RALGPS2: variants seen among roughly 807,000 people sequenced by gnomAD.
RALGPS2 encodes Ral GEF with PH domain and SH3 binding motif 2.
In RALGPS2, 43 loss-of-function variants were observed where a neutral mutation model predicts 86.8. The ratio of observed to expected loss-of-function variants is 0.50; its 90% CI spans 0.39 to 0.64. The LOEUF (loss-of-function observed/expected upper bound fraction) is 0.64. RALGPS2 is among the 30% of genes least tolerant of loss of function. RALGPS2 has a pLI of 0.00. For missense variants in RALGPS2, 536 were observed against 694.6 expected (o/e 0.77, Z 2.57); for synonymous variants, 243 against 231.3 (o/e 1.05, Z -0.46).
chr1:178,740,745 C>T lies in RALGPS2; in HGVS notation c.-84+15326C>T, dbSNP rs139878870. On this transcript the variant is annotated intron_variant, in intron 1 of 19. Transcript: ENST00000367635. ...TGTAGATACTGTTCTTCCTTTAGTACTTCTGTGGCTCCTGCCCTTCTTGAG... is the reference window on the plus strand; with the variant it reads ...TGTAGATACTGTTCTTCCTTTAGTATTTCTGTGGCTCCTGCCCTTCTTGAG... 6.8e-4 allele frequency among the ~76,000 whole-genome samples: 104 copies of T among 152,300 alleles called. 2 individuals carry two copies. In the East Asian group the frequency reaches 0.019, roughly 28 times the overall value.
Position 178,919,499 on chromosome 1 carries a change from G to T in RALGPS2, c.*3140G>T, listed in dbSNP as rs1660915488. On this transcript the variant is annotated 3_prime_UTR_variant, in exon 20 of 20. Transcript: ENST00000367635. ...CCTAGGAAGCACTATTGGTACAGGA[G>T]GAAAAAAGAATGGAAAACATGTTTA... 6.6e-6 allele frequency: 1 copy of T among 151,870 alleles called. No individual in the cohort carries two copies. The highest frequency in any genetic ancestry group is 2.4e-5 in the African/African-American group (1 of 41,392). The allele number at this position is 151,870 out of a possible 1,614,324, so 9.4% of individuals were successfully genotyped here. A position where few individuals can be genotyped will look rare whatever the true frequency, so the allele number is the denominator to read the frequency against.
intron 8 of RALGPS2, among the ~76,000 whole-genome samples, chr1:178,855,000 CT>C (rs1204552053): frequency 4.6e-5 from 7 of 151,946 alleles, no homozygotes; most frequent in Non-Finnish European, 7.4e-5. Context: ...CCCTAAAGAT[CT>C]CTTAGAACAA....
In RALGPS2 at chr1:178,877,593, A is replaced by G. The variant is rs746154442; in HGVS notation, c.703A>G (p.Ile235Val). The change falls in exon 9 of 20, where the codon ATC (isoleucine) becomes GTC (valine). Residue 235 changes from isoleucine to valine, a missense_variant. This residue lies in a region of RALGPS2 where 184 missense variants were observed against 296.7 expected (regional missense o/e 0.62). Transcript: ENST00000367635. ...GCAAAGATCAAATTTAATGAATAAT[A>G]TCCTTCGAATAATTTCTGATTTACA... ...NEQRSNLMNN[I>V]LRIISDLQQS... 2 of 1,613,486 alleles carry G rather than the reference A, an allele frequency of 1.2e-6. No individual in the cohort carries two copies. The highest frequency in any genetic ancestry group is 2.2e-5 in the East Asian group (1 of 44,806).
At chr1:178,898,965 T>C (rs1660054548) in intron 17 of RALGPS2, among the ~76,000 whole-genome samples, 1 of 151,946 alleles carries the variant, frequency 6.6e-6, no homozygotes, top group Non-Finnish European at 1.5e-5. Context: ...ATTCATTCAG[T>C]TCAATTAAAT....
At chr1:178,862,768 G>T (rs894797329) in intron 8 of RALGPS2, among the ~76,000 whole-genome samples, 3 of 152,184 alleles carry the variant, frequency 2.0e-5, no homozygotes, top group African/African-American at 7.2e-5. Context: ...TGGAAGGTCC[G>T]CTAGGAAAGT....
intron 8 of RALGPS2, chr1:178,865,425 G>A (rs749655578): frequency 3.1e-6 from 5 of 1,613,956 alleles, no homozygotes; most frequent in Non-Finnish European, 3.4e-6. Context: ...TTTCTCAGCA[G>A]CTTTACCTCA....
intron 4 of RALGPS2, among the ~76,000 whole-genome samples, chr1:178,788,437 A>G (rs1653775362): frequency 6.6e-6 from 1 of 152,226 alleles, no homozygotes; most frequent in Non-Finnish European, 1.5e-5. Flanking sequence ...AACATAAAGC[A>G]GAGAGAAGAG....
At chr1:178,783,113 A>G (rs927281407) in intron 2 of RALGPS2, among the ~76,000 whole-genome samples, 2 of 152,230 alleles carry the variant, frequency 1.3e-5, no homozygotes. Context: ...AAAAGCGTAC[A>G]GCATGCGAGA....
chr1:178,776,892 T>A, intron 2 of RALGPS2, 71 bp downstream of exon 2: 1 of 1,242,116 alleles, frequency 8.1e-7, no homozygotes, highest in Non-Finnish European at 1.2e-6. Flanking sequence ...ATTATGTTTG[T>A]TCACATACTT....
intron 19 of RALGPS2, among the ~76,000 whole-genome samples, chr1:178,913,866 G>C (rs189539858): frequency 6.6e-5 from 10 of 152,276 alleles, no homozygotes; most frequent in South Asian, 4.1e-4. Context: ...GTGGACCAAG[G>C]TGCTCCCAGG....
intron 19 of RALGPS2, among the ~76,000 whole-genome samples, chr1:178,916,041 T>TAAACTGAGCCCCCTGTGTTAGACAAG (rs1660798685): frequency 6.6e-6 from 1 of 152,208 alleles, no homozygotes; most frequent in Non-Finnish European, 1.5e-5. Flanking sequence ...ATTCATTCAG[T>TAAACTGAGCCCCCTGTGTTAGACAAG]AAACGTCTAC....
At chr1:178,817,974 A>T (rs1236173807) in intron 6 of RALGPS2, among the ~76,000 whole-genome samples, 1 of 152,200 alleles carries the variant, frequency 6.6e-6, no homozygotes, top group Non-Finnish European at 1.5e-5. Flanking sequence ...ACCTTTAAAC[A>T]TTATATTTAA....
At position 178,884,275 on chromosome 1, in the gene RALGPS2, A is replaced by G. The variant is rs561154687; in HGVS notation, c.904+742A>G. ...ACTAGACCAAGTATTAAAAATGTAAAAATCATAGTTCCTTACTTTACCTGT... is the reference window on the plus strand; with the variant it reads ...ACTAGACCAAGTATTAAAAATGTAAGAATCATAGTTCCTTACTTTACCTGT... On this transcript the variant is annotated intron_variant, in intron 11 of 19. Transcript: ENST00000367635. Among the ~76,000 whole-genome samples the G allele has an allele frequency of 3.3e-4, 51 of 152,298 alleles. No individual in the cohort carries two copies. The Middle Eastern group carries it at 0.01, about 30-fold the overall frequency.
intron 9 of RALGPS2, among the ~76,000 whole-genome samples, chr1:178,878,348 A>C (rs181665660): frequency 6.6e-6 from 1 of 152,282 alleles, no homozygotes; most frequent in African/African-American, 2.4e-5. Flanking sequence ...AATTTATCTT[A>C]AAGCTAACTT....
intron 6 of RALGPS2, among the ~76,000 whole-genome samples, chr1:178,815,963 C>T (rs1164073528): frequency 2.6e-5 from 4 of 152,096 alleles, no homozygotes; most frequent in Non-Finnish European, 5.9e-5. Flanking sequence ...ATGGATATTC[C>T]ACAATTTCTT....
chr1:178,845,990 A>G (rs150786727), intron 8 of RALGPS2, among the ~76,000 whole-genome samples: 1 of 152,276 alleles, frequency 6.6e-6, no homozygotes, highest in East Asian at 1.9e-4. Flanking sequence ...AATCTTACCG[A>G]TTTGGTTTTC....
At chr1:178,759,764 T>A (rs1652143690) in intron 1 of RALGPS2, among the ~76,000 whole-genome samples, 1 of 152,144 alleles carries the variant, frequency 6.6e-6, no homozygotes, top group Admixed American at 6.5e-5. Context: ...ATTTCTTTCA[T>A]CAGTGTTTTA....
rs1394011387 is a variant in RALGPS2 at position 178,885,098 on chromosome 1, A to G, written c.927A>G (p.Pro309=). 2.5e-6 allele frequency: 4 copies of G among 1,607,696 alleles called. No individual in the cohort carries two copies. In the South Asian group the frequency reaches 3.4e-5, roughly 13 times the overall value. ...TAGGTCCTGAAGTAGGAGCGTCTCC[A>G]CAGAGTGGACGAAAAAGTGTGGCAG... ...DLVGPEVGAS[P]QSGRKSVAAE... is the part of the protein sequence containing the mutation. The change falls in exon 12 of 20, where the codon CCA becomes CCG. Residue 309 remains proline, a synonymous_variant. Coordinates refer to ENST00000367635, the MANE Select transcript of RALGPS2 (RefSeq NM_152663.5).
At chr1:178,892,035 A>G (rs867529636) in intron 14 of RALGPS2, among the ~76,000 whole-genome samples, 195 bp from the exon 15 acceptor site, 3 of 152,106 alleles carry the variant, frequency 2.0e-5, no homozygotes, top group Non-Finnish European at 2.9e-5. Context: ...TCTAGAGTCA[A>G]TAGTAGAAGA....
Sources: allele counts gnomAD v4.1 joint callset (sites outside exome capture counted in the v4.1 genomes callset), GRCh38; gene constraint gnomAD v4.1.1; regional missense constraint gnomAD v4.1.1; transcripts MANE v1.5; gene names NCBI Gene and HGNC (gene_info 2026-07-23, HGNC 2026-07-21).